FCER1A: variants seen among roughly 807,000 people sequenced by gnomAD.
FCER1A encodes Fc epsilon receptor Ia.
A neutral mutation model predicts 23.6 loss-of-function variants in FCER1A; 24 were observed. That is an observed-to-expected ratio of 1.02 (90% confidence interval 0.74 to 1.43). The LOEUF is 1.43. FCER1A is among the 40% of genes most tolerant of loss of function. FCER1A has a pLI of 0.00. For missense variants in FCER1A, 318 were observed against 294.5 expected, an observed-to-expected ratio of 1.08 and a Z score of -0.58; for synonymous variants, 121 against 108.8, an observed-to-expected ratio of 1.11 and a Z score of -0.70.
chr1:159,304,051 A>C lies in FCER1A; in HGVS notation c.200A>C (p.Asn67Thr). The change falls in exon 3 of 5, where the codon AAT becomes ACT. Residue 67 changes from asparagine to threonine, a missense_variant. By Grantham distance (65) the Asn-to-Thr change is moderately conservative. Transcript: ENST00000693622. Reference protein sequence around the residue: ...FEVSSTKWFHNGSLSEETNSS... With the variant: ...FEVSSTKWFHTGSLSEETNSS... ...GTCAGTTCCACCAAATGGTTCCACA[A>C]TGGCAGCCTTTCAGAAGAGACAAAT... The C allele has an allele frequency of 1.2e-6, 2 of 1,614,204 alleles. No individual in the cohort carries two copies. Among genetic ancestry groups the C allele is most frequent in the Non-Finnish European group, 1.7e-6 (2 of 1,180,020 alleles).
intron 3 of FCER1A, among the ~76,000 whole-genome samples, chr1:159,305,146 A>C (rs1455729325): frequency 2.0e-5 from 3 of 152,216 alleles, no homozygotes; most frequent in Non-Finnish European, 4.4e-5. Context: ...CAACCTCCAT[A>C]TGTAAATTCC....
the FCER1A span, among the ~76,000 whole-genome samples, chr1:159,284,175 G>A: frequency 6.6e-6 from 1 of 152,034 alleles, no homozygotes; most frequent in East Asian, 1.9e-4. Context: ...TATAGGGGCC[G>A]GGACATCTGT....
chr1:159,298,045 C>T (rs1326231326), upstream of FCER1A, among the ~76,000 whole-genome samples: 1 of 152,122 alleles, frequency 6.6e-6, no homozygotes, highest in Non-Finnish European at 1.5e-5. Flanking sequence ...CTTTGGGCTT[C>T]TTGGCTGAAA....
chr1:159,305,773 G>A (rs1652583721), intron 3 of FCER1A, among the ~76,000 whole-genome samples: 1 of 152,144 alleles, frequency 6.6e-6, no homozygotes, highest in Non-Finnish European at 1.5e-5. Context: ...TGTGGCCCCA[G>A]ACTGACTTTT....
upstream of FCER1A, among the ~76,000 whole-genome samples, chr1:159,287,876 G>T (rs1304756843): frequency 1.3e-5 from 2 of 151,518 alleles, no homozygotes; most frequent in African/African-American, 2.4e-5. Context: ...AATAATCAAT[G>T]AATTAATTGC....
upstream of FCER1A, among the ~76,000 whole-genome samples, chr1:159,286,546 A>T (rs1183731814): frequency 1.3e-5 from 2 of 151,974 alleles, no homozygotes; most frequent in Admixed American, 1.3e-4. Flanking sequence ...GTTAGCCAGG[A>T]TGGTCTCGAT....
At chr1:159,306,937 AGC>A (rs1423325930) in intron 4 of FCER1A, among the ~76,000 whole-genome samples, 18 of 152,368 alleles carry the variant, frequency 1.2e-4, no homozygotes, top group African/African-American at 4.3e-4. Context: ...ATTAAGTCCT[AGC>A]AGTTCTCTGT....
chr1:159,303,605 T>C (rs764665266), intron 2 of FCER1A, among the ~76,000 whole-genome samples: 64 of 152,348 alleles, frequency 4.2e-4, no homozygotes, highest in Non-Finnish European at 5.4e-4. Context: ...TCAAAAGAGA[T>C]TGCAGTCCTC....
At chr1:159,304,408 G>C (rs533527751) in intron 3 of FCER1A, among the ~76,000 whole-genome samples, 1 of 151,838 alleles carries the variant, frequency 6.6e-6, no homozygotes, top group South Asian at 2.1e-4. Context: ...GAGACCATCC[G>C]GCTAACATGG....
chr1:159,300,805 C>T (rs1178078647), upstream of FCER1A, among the ~76,000 whole-genome samples: 5 of 152,148 alleles, frequency 3.3e-5, no homozygotes, highest in Non-Finnish European at 5.9e-5. Context: ...TATTAAATCT[C>T]ATAATATAAC....
At chr1:159,298,674 T>A (rs1652355519), upstream of FCER1A, among the ~76,000 whole-genome samples, 1 of 152,122 alleles carries the variant, frequency 6.6e-6, no homozygotes. Flanking sequence ...GGCCCTAATA[T>A]AGAGGAAAAA....
At chr1:159,299,241 C>A (rs960234500), upstream of FCER1A, among the ~76,000 whole-genome samples, 2 of 152,158 alleles carry the variant, frequency 1.3e-5, no homozygotes, top group African/African-American at 4.8e-5. Flanking sequence ...GCATTTTGCA[C>A]TTTCATCGTT....
intron 4 of FCER1A, among the ~76,000 whole-genome samples, chr1:159,306,674 G>A (rs941609181): frequency 6.6e-6 from 1 of 152,132 alleles, no homozygotes; most frequent in Non-Finnish European, 1.5e-5. Context: ...TTCCAGCTTA[G>A]GAGGGCTGGG....
chr1:159,291,340 A>G (rs1652148735), intron 1 of FCER1A, among the ~76,000 whole-genome samples: 1 of 152,218 alleles, frequency 6.6e-6, no homozygotes, highest in Non-Finnish European at 1.5e-5. Flanking sequence ...CAAATTTAAC[A>G]TATCTTTTTA....
At chr1:159,303,847 C>T (rs1453259887) in intron 2 of FCER1A, 81 bp from the exon 3 acceptor site, 5 of 1,063,620 alleles carry the variant, frequency 4.7e-6, no homozygotes, top group East Asian at 2.4e-5. Flanking sequence ...AATATTGCTT[C>T]GTTTGTACTT....
intron 1 of FCER1A, among the ~76,000 whole-genome samples, chr1:159,291,717 C>CCCCA: frequency 6.6e-6 from 1 of 152,232 alleles, no homozygotes; most frequent in African/African-American, 2.4e-5. Context: ...CCTCCCTTAA[C>CCCCA]CCCACATCTT....
rs537149570 is a variant in FCER1A at position 159,303,615 on chromosome 1, C to T, written c.77-313C>T. Among the ~76,000 whole-genome samples, 21 of 152,322 alleles carry T rather than the reference C, an allele frequency of 1.4e-4. No individual in the cohort carries two copies. The South Asian group carries it at 4.3e-3, about 32-fold the overall frequency. ...CTACCTCAAAAGAGATTGCAGTCCT[C>T]ATTTACAGATACTGAATTGAAATTA... On this transcript the variant is annotated intron_variant, in intron 2 of 4. Coordinates refer to ENST00000693622, the MANE Select transcript of FCER1A (RefSeq NM_001387280.1).
At chr1:159,296,870 C>A (rs1383748935) in intron 1 of FCER1A, among the ~76,000 whole-genome samples, 1 of 152,106 alleles carries the variant, frequency 6.6e-6, no homozygotes, top group African/African-American at 2.4e-5. Context: ...TTTCAGAATG[C>A]GTCCTGCCCC....
chr1:159,307,176 T>G (rs1192106158), intron 4 of FCER1A, among the ~76,000 whole-genome samples: 1 of 152,234 alleles, frequency 6.6e-6, no homozygotes. Flanking sequence ...GGGTAGCCAA[T>G]ATTGAGAATC....
Sources: gnomAD v4.1 joint callset for allele counts (sites outside exome capture counted in the v4.1 genomes callset) on GRCh38, gnomAD v4.1.1 for gene constraint, MANE v1.5 for transcripts, NCBI Gene and HGNC (gene_info 2026-07-23, HGNC 2026-07-21) for gene names.